Variants in RAD51B observed in about 807,000 individuals in gnomAD.
RAD51B encodes RAD51 paralog B.
RAD51B carries 38 observed loss-of-function variants against 42.2 expected under a neutral mutation model. The ratio of observed to expected loss-of-function variants is 0.90; its 90% CI spans 0.70 to 1.18. RAD51B has a LOEUF of 1.18. RAD51B is among the 50% of genes most tolerant of loss of function. RAD51B has a pLI of 0.00. For synonymous variants in RAD51B, 154 were observed against 145.2 expected (o/e 1.06, Z -0.43); for missense variants, 373 against 400.7 (o/e 0.93, Z 0.59).
At chr14:68,664,377 C>G (rs1387991625) in intron 11 of RAD51B, among the ~76,000 whole-genome samples, 1 of 152,100 alleles carries the variant, frequency 6.6e-6, no homozygotes, top group Non-Finnish European at 1.5e-5. Flanking sequence ...ACCACATCCA[C>G]CCCCGCCCAC....
At chr14:68,230,864 A>T (rs1176086591) in intron 7 of RAD51B, among the ~76,000 whole-genome samples, 3 of 152,340 alleles carry the variant, frequency 2.0e-5, no homozygotes, top group Admixed American at 6.5e-5. Flanking sequence ...GAATAAATTT[A>T]AAAAATTCTT....
intron 10 of RAD51B, among the ~76,000 whole-genome samples, chr14:68,630,217 G>A (rs1451764155): frequency 1.3e-5 from 2 of 152,132 alleles, no homozygotes; most frequent in African/African-American, 4.8e-5. Flanking sequence ...CCATTGCCTG[G>A]GTTGCTAAGT....
At chr14:68,307,779 T>C (rs2081896948) in intron 8 of RAD51B, among the ~76,000 whole-genome samples, 1 of 152,234 alleles carries the variant, frequency 6.6e-6, no homozygotes, top group Non-Finnish European at 1.5e-5. Flanking sequence ...ACTGGATTTC[T>C]TATACACAAA....
At chr14:68,099,673 CTG>C (rs555592883) in intron 7 of RAD51B, among the ~76,000 whole-genome samples, 10 of 152,156 alleles carry the variant, frequency 6.6e-5, no homozygotes, top group Non-Finnish European at 1.0e-4. Flanking sequence ...CCTAAGAAAA[CTG>C]TGTAAATTTG....
intron 11 of RAD51B, among the ~76,000 whole-genome samples, chr14:68,682,689 G>A (rs567102708): frequency 4.0e-4 from 57 of 143,236 alleles, no homozygotes; most frequent in Non-Finnish European, 5.8e-4. Flanking sequence ...CCCTTCCCCC[G>A]CCCTCCCCGC....
At chr14:68,147,791 A>C (rs2140756904) in intron 7 of RAD51B, among the ~76,000 whole-genome samples, 1 of 116,158 alleles carries the variant, frequency 8.6e-6, no homozygotes, top group African/African-American at 3.1e-5. Context: ...AAAAAAGATA[A>C]AGCAAGGGAA....
intron 7 of RAD51B, among the ~76,000 whole-genome samples, chr14:67,967,582 G>A (rs1207966806): frequency 2.0e-5 from 3 of 152,190 alleles, no homozygotes; most frequent in Non-Finnish European, 4.4e-5. Context: ...GCCCATGCAA[G>A]TACAAAATCC....
At chr14:68,061,103 G>A (rs150525746) in intron 7 of RAD51B, among the ~76,000 whole-genome samples, 4 of 126,934 alleles carry the variant, frequency 3.2e-5, no homozygotes, top group South Asian at 2.6e-4. Context: ...CAGTCTTGCC[G>A]TATCACCCAG....
At chr14:68,033,935 G>A (rs570953499) in intron 7 of RAD51B, among the ~76,000 whole-genome samples, 1 of 152,072 alleles carries the variant, frequency 6.6e-6, no homozygotes, top group African/African-American at 2.4e-5. Context: ...GAGTTTGATT[G>A]TTTCTTAGGA....
chr14:67,860,715 A>G (rs968288673), intron 4 of RAD51B, among the ~76,000 whole-genome samples: 1 of 152,202 alleles, frequency 6.6e-6, no homozygotes, highest in African/African-American at 2.4e-5. Flanking sequence ...ATAGTATAGT[A>G]TAACAAATAC....
chr14:68,632,486 TC>T (rs2140123718), intron 10 of RAD51B, among the ~76,000 whole-genome samples: 1 of 152,266 alleles, frequency 6.6e-6, no homozygotes, highest in African/African-American at 2.4e-5. Context: ...GACGGGGACA[TC>T]CCTCACAAGT....
chr14:68,585,430 G>C (rs568969518), intron 10 of RAD51B, among the ~76,000 whole-genome samples: 2 of 152,286 alleles, frequency 1.3e-5, no homozygotes, highest in South Asian at 4.1e-4. Context: ...TTTCCCAGGG[G>C]CTCCTGACGA....
chr14:68,149,284 T>A (rs1273972455), intron 7 of RAD51B, among the ~76,000 whole-genome samples: 1 of 152,198 alleles, frequency 6.6e-6, no homozygotes, highest in Non-Finnish European at 1.5e-5. Flanking sequence ...AAGCCCAAGA[T>A]CACCTAGATT....
At chr14:67,948,863 C>T (rs1181313401) in intron 7 of RAD51B, among the ~76,000 whole-genome samples, 5 of 123,632 alleles carry the variant, frequency 4.0e-5, no homozygotes, top group Non-Finnish European at 6.3e-5. Context: ...ACCTGGGAGG[C>T]GGAGCTTGCA....
intron 7 of RAD51B, among the ~76,000 whole-genome samples, chr14:68,176,693 AG>A (rs1043046344): frequency 6.6e-6 from 1 of 152,182 alleles, no homozygotes; most frequent in African/African-American, 2.4e-5. Flanking sequence ...ACTTCTGAGC[AG>A]GTCATTTTGA....
chr14:68,478,623 G>T (rs916590353), downstream of RAD51B, among the ~76,000 whole-genome samples: 2 of 152,362 alleles, frequency 1.3e-5, 1 homozygote, highest in Middle Eastern at 6.8e-3. Context: ...TCCAGCCTTT[G>T]GCCTTGTGAC....
intron 7 of RAD51B, among the ~76,000 whole-genome samples, chr14:67,983,921 G>A (rs1250216740): frequency 6.6e-6 from 1 of 151,718 alleles, no homozygotes; most frequent in Non-Finnish European, 1.5e-5. Context: ...AAATCAGACA[G>A]GGCTGGTTTT....
chr14:68,467,330 G>A (rs976549559), intron 9 of RAD51B, among the ~76,000 whole-genome samples: 1 of 152,116 alleles, frequency 6.6e-6, no homozygotes, highest in East Asian at 1.9e-4. Context: ...GTTAACTCTT[G>A]CTGCACGCAC....
intron 7 of RAD51B, among the ~76,000 whole-genome samples, chr14:68,198,478 C>G (rs1194782968): frequency 6.6e-6 from 1 of 152,050 alleles, no homozygotes; most frequent in Non-Finnish European, 1.5e-5. Context: ...TGAGAAAAAA[C>G]TATTAAGTTT....
Sources: allele counts gnomAD v4.1 joint callset (sites outside exome capture counted in the v4.1 genomes callset), GRCh38; gene constraint gnomAD v4.1.1; transcripts MANE v1.5; gene names NCBI Gene and HGNC (gene_info 2026-07-23, HGNC 2026-07-21).